The following STKLD1 variants were observed in gnomAD, a reference collection of about 807,000 sequenced individuals.
STKLD1 encodes serine/threonine kinase-like domain-containing protein STKLD1.
A neutral mutation model predicts 80.4 loss-of-function variants in STKLD1; 79 were observed. The observed-to-expected ratio is 0.98, with a 90% CI of 0.82 to 1.19. STKLD1 has a LOEUF of 1.19. Ranked by LOEUF, STKLD1 falls within the 50% of genes most tolerant of loss-of-function variation. The pLI, the probability that STKLD1 is intolerant of heterozygous loss-of-function variation, is 0.00. For missense variants in STKLD1, 841 were observed against 856.0 expected (o/e 0.98, Z 0.22); for synonymous variants, 393 against 357.6 (o/e 1.10, Z -1.12).
rs1038829872 is a variant in STKLD1 at position 133,377,441 on chromosome 9, G to A, written c.87+881G>A. Among the ~76,000 whole-genome samples, 3 of 152,210 alleles carry A rather than the reference G, an allele frequency of 2.0e-5. No homozygotes were observed. The East Asian group carries it at 5.8e-4, about 29-fold the overall frequency. ...AACACTTTGGGAGGCCAAGGCGGGC[G>A]GATCACCTGAGATCGGGAGTTCAAG... is the stretch of plus-strand genomic sequence containing the variant. On this transcript the variant is annotated intron_variant, in intron 1 of 17. Coordinates refer to ENST00000371957, the MANE Select transcript of STKLD1 (RefSeq NM_153710.5).
rs587667132 is a variant in STKLD1 at position 133,394,421 on chromosome 9, T to G, written c.702+12T>G. On this transcript the variant is annotated intron_variant, in intron 8 of 17. Transcript: ENST00000371957. The surrounding 1 kb of genome is among the most constrained non-coding windows in gnomAD (Gnocchi z 4.9). ...GCTCCTTCATGGATGTGAGCCGCCCTCCCTCCCCCACACCCCACATGCTGT... is the reference window on the plus strand; with the variant it reads ...GCTCCTTCATGGATGTGAGCCGCCCGCCCTCCCCCACACCCCACATGCTGT... 31 of 1,576,694 alleles carry G rather than the reference T, an allele frequency of 2.0e-5. 1 individual carries two copies. The South Asian group carries it at 3.0e-4, about 15-fold the overall frequency.
rs782376433 is a variant in STKLD1 at position 133,403,802 on chromosome 9, G to A, written c.1577G>A (p.Gly526Glu). 6.2e-7 allele frequency: 1 copy of A among 1,613,656 alleles called. No homozygotes were observed. Among genetic ancestry groups the A allele is most frequent in the South Asian group, 1.1e-5 (1 of 91,088 alleles). ...GGGGAAATGGCAGAAGCCAGCTGCG[G>A]AGTCTTCTGGCTGCTGTCCCTGCTG... Reference protein sequence around the residue: ...ADGEMAEASCGVFWLLSLLGC... With the variant: ...ADGEMAEASCEVFWLLSLLGC... The change falls in exon 15 of 18, where the codon GGA becomes GAA. Residue 526 changes from glycine to glutamate, a missense_variant. Gly to Glu is a moderately conservative substitution (Grantham distance 98). Transcript: ENST00000371957.
At position 133,394,456 on chromosome 9, in the gene STKLD1, G is replaced by A. The variant is rs782796464; in HGVS notation, c.702+47G>A. On this transcript the variant is annotated intron_variant, in intron 8 of 17. Transcript: ENST00000371957. This position sits in a 1 kb window ranked among gnomAD's most constrained non-coding sequence, Gnocchi z 4.9. ...ACACCCCACATGCTGTTCCCCACGC[G>A]CCCAGGCCTGGGGAAAAGGCTTGGC... 9.4e-6 allele frequency: 13 copies of A among 1,387,514 alleles called. No individual in the cohort carries two copies. Among genetic ancestry groups the A allele is most frequent in the Middle Eastern group, 1.9e-4 (1 of 5,334 alleles). The allele number at this position is 1,387,514 out of a possible 1,614,324, so 86.0% of individuals were successfully genotyped here.
At position 133,389,266 on chromosome 9, in the gene STKLD1, C is replaced by T. The variant is rs2130283683; in HGVS notation, c.397-260C>T. 1.0e-6 allele frequency: 1 copy of T among 985,216 alleles called. No homozygotes were observed. The highest frequency in any genetic ancestry group is 4.7e-5 in the South Asian group (1 of 21,284). 61.0% of individuals were successfully genotyped at this position (985,216 alleles called of 1,614,324 possible). ...GTAGGGTGCAGGGATGGGGCCCCTG[C>T]AGCACCCAGGGTCTCTGGTATGGAG... On this transcript the variant is annotated intron_variant, in intron 5 of 17. Transcript: ENST00000371957. This position sits in a 1 kb window ranked among gnomAD's most constrained non-coding sequence, Gnocchi z 6.4.
At chr9:133,392,144 T>TCGGCTCA (rs1488224219) in intron 7 of STKLD1, among the ~76,000 whole-genome samples, 1 of 149,216 alleles carries the variant, frequency 6.7e-6, no homozygotes, top group Non-Finnish European at 1.5e-5. Context: ...TAGCGCAATC[T>TCGGCTCA]CGGCTCACTG....
In STKLD1 at chr9:133,390,809, C is replaced by T; in HGVS notation, c.583+13C>T. On this transcript the variant is annotated intron_variant, in intron 7 of 17. Transcript: ENST00000371957. The surrounding 1 kb of genome is among the most constrained non-coding windows in gnomAD (Gnocchi z 5.1). ...CGTGCGGAGGAAGGTGGCAGGGGCT[C>T]CCCCAGGTTGTGGGAGAGGGGGTTG... The T allele has an allele frequency of 6.2e-7, 1 of 1,604,360 alleles. No homozygotes were observed. The highest frequency in any genetic ancestry group is 8.5e-7 in the Non-Finnish European group (1 of 1,173,060).
intron 1 of STKLD1, 79 bp downstream of exon 1, chr9:133,376,639 G>A: frequency 7.5e-7 from 1 of 1,328,376 alleles, no homozygotes; most frequent in South Asian, 1.5e-5. Flanking sequence ...CGGCGGTTCC[G>A]ACCGAGGGCG....
Position 133,405,570 on chromosome 9 carries a change from G to A in STKLD1, c.*149G>A. 2.6e-6 allele frequency: 2 copies of A among 757,746 alleles called. No homozygotes were observed. Among genetic ancestry groups the A allele is most frequent in the Non-Finnish European group, 4.0e-6 (2 of 501,562 alleles). The allele number at this position is 757,746 out of a possible 1,614,324, so 46.9% of individuals were successfully genotyped here. A position where few individuals can be genotyped will look rare whatever the true frequency, so the allele number is the denominator to read the frequency against. On this transcript the variant is annotated 3_prime_UTR_variant, in exon 18 of 18. Transcript: ENST00000371957. Reference sequence around the variant, plus strand: ...CCTCTCCAAAGAGTTTCCTGTCCATGACTGCTGGATTGAGTCACATGAGTA... The same window carrying A: ...CCTCTCCAAAGAGTTTCCTGTCCATAACTGCTGGATTGAGTCACATGAGTA...
chr9:133,394,297 T>G lies in STKLD1; in HGVS notation c.590T>G (p.Phe197Cys), dbSNP rs1554776375. The G allele has an allele frequency of 6.2e-7, 1 of 1,612,536 alleles. No homozygotes were observed. The highest frequency in any genetic ancestry group is 8.5e-7 in the Non-Finnish European group (1 of 1,178,710). ...KWNIRAEEDP[F>C]RKSWMAPEAL... Reference sequence around the variant, plus strand: ...ACCTTGCTTTTACCAACAGACCCCTTTCGTAAGTCCTGGATGGCCCCTGAA... The same window carrying G: ...ACCTTGCTTTTACCAACAGACCCCTGTCGTAAGTCCTGGATGGCCCCTGAA... The change falls in exon 8 of 18, where the codon TTT (phenylalanine) becomes TGT (cysteine). Residue 197 changes from phenylalanine (F) to cysteine (C), a missense_variant. Phe to Cys is a radical substitution (Grantham distance 205). Coordinates refer to ENST00000371957, the MANE Select transcript of STKLD1 (RefSeq NM_153710.5). This position sits in a 1 kb window ranked among gnomAD's most constrained non-coding sequence, Gnocchi z 4.9.
At chr9:133,393,496 T>G in intron 7 of STKLD1, among the ~76,000 whole-genome samples, 1 of 129,452 alleles carries the variant, frequency 7.7e-6, no homozygotes, top group Non-Finnish European at 1.6e-5. Context: ...GGTGGGTGGG[T>G]GCATGTGGAT....
chr9:133,404,135 C>A, intron 16 of STKLD1, 87 bp downstream of exon 16: 3 of 1,436,354 alleles, frequency 2.1e-6, no homozygotes, highest in South Asian at 2.9e-5. Flanking sequence ...GTGCCACAAA[C>A]CAAAAAACAG....
At chr9:133,400,356 C>T (rs1200385831) in intron 11 of STKLD1, 57 bp from the exon 12 acceptor site, 2 of 1,369,800 alleles carry the variant, frequency 1.5e-6, no homozygotes, top group African/African-American at 1.4e-5. Flanking sequence ...CTGGTCGGGT[C>T]TATATGCCCC....
chr9:133,392,510 G>C (rs141039778), intron 7 of STKLD1, among the ~76,000 whole-genome samples: 2 of 150,450 alleles, frequency 1.3e-5, no homozygotes, highest in African/African-American at 4.9e-5. Context: ...TGGATAGATG[G>C]ATGAATAGGT....
chr9:133,403,858 G>A (rs1554778183), intron 15 of STKLD1, 30 bp downstream of exon 15: 1 of 1,612,252 alleles, frequency 6.2e-7, no homozygotes, highest in South Asian at 1.1e-5. Flanking sequence ...TGGGCCCCTG[G>A]GGCTGGGAGG....
intron 5 of STKLD1, chr9:133,388,802 C>T (rs966776936): frequency 3.0e-6 from 3 of 985,446 alleles, no homozygotes; most frequent in Non-Finnish European, 2.4e-6. Flanking sequence ...CCATGTACCC[C>T]TGAGGGGCTC....
chr9:133,377,279 A>AT (rs1297918340), intron 1 of STKLD1, among the ~76,000 whole-genome samples: 2 of 152,162 alleles, frequency 1.3e-5, no homozygotes, highest in Non-Finnish European at 2.9e-5. Flanking sequence ...AATAGACTTG[A>AT]TTCGAGATAC....
rs115052225 is a variant in STKLD1 at position 133,385,097 on chromosome 9, T to G, written c.220-520T>G. 8.7e-3 allele frequency among the ~76,000 whole-genome samples: 1,327 copies of G among 152,290 alleles called. 14 individuals carry two copies. The highest frequency in any genetic ancestry group is 0.03 in the African/African-American group (1,236 of 41,554). ...TTGCCGATTCCCATCCACAGCCCAC[T>G]AGGTAGGCCACCTGCTTTCATGCCC... On this transcript the variant is annotated intron_variant, in intron 3 of 17. Coordinates refer to ENST00000371957, the MANE Select transcript of STKLD1 (RefSeq NM_153710.5). The surrounding 1 kb of genome is among the most constrained non-coding windows in gnomAD (Gnocchi z 4.9).
chr9:133,400,238 T>C (rs1362376814), intron 11 of STKLD1, among the ~76,000 whole-genome samples, 175 bp from the exon 12 acceptor site: 1 of 152,216 alleles, frequency 6.6e-6, no homozygotes, highest in African/African-American at 2.4e-5. Context: ...AGGACACCCG[T>C]GGCAGACATG....
chr9:133,395,724 T>C lies in STKLD1; in HGVS notation c.827T>C (p.Leu276Ser). ...GAAACCTTCAGGAATCTTCTGCCCT[T>C]GATGCTCCAGATCGACCCCTCGGAT... The part of the protein sequence containing the change: ...DVETFRNLLP[L>S]MLQIDPSDRI... The change falls in exon 9 of 18, where the codon TTG (leucine) becomes TCG (serine). Residue 276 changes from leucine (L) to serine (S), a missense_variant. By Grantham distance (145) the Leu-to-Ser change is moderately radical. Coordinates refer to ENST00000371957, the MANE Select transcript of STKLD1 (RefSeq NM_153710.5). The C allele has an allele frequency of 6.2e-7, 1 of 1,613,544 alleles. No homozygotes were observed.
Sources: gnomAD v4.1 joint callset for allele counts (sites outside exome capture counted in the v4.1 genomes callset) on GRCh38, gnomAD v4.1.1 for gene constraint, Gnocchi (gnomAD v3.1) non-coding constraint, MANE v1.5 for transcripts, NCBI Gene and HGNC (gene_info 2026-07-23, HGNC 2026-07-21) for gene names.